NPY2R: variants seen among roughly 807,000 people sequenced by gnomAD.
The protein encoded by NPY2R is neuropeptide Y receptor Y2.
NPY2R carries 17 observed loss-of-function variants against 22.3 expected under a neutral mutation model. The observed-to-expected ratio is 0.76, with a 90% CI of 0.52 to 1.14. NPY2R has a LOEUF of 1.14. Ranked by LOEUF, NPY2R falls within the 50% of genes most tolerant of loss-of-function variation. The pLI is 0.00. For missense variants in NPY2R, 424 were observed against 467.9 expected (o/e 0.91, Z 0.87); for synonymous variants, 209 against 183.4 (o/e 1.14, Z -1.13).
upstream of NPY2R, chr4:155,208,577 AG>A: frequency 6.6e-6 from 1 of 152,462 alleles, no homozygotes. The surrounding 1 kb of genome is among the most constrained non-coding windows in gnomAD (Gnocchi z 5.6). Context: ...GGGACCCGCG[AG>A]GGGGCGCCCC....
the NPY2R span, among the ~76,000 whole-genome samples, chr4:155,203,092 A>G: frequency 3.3e-5 from 5 of 152,154 alleles, no homozygotes; most frequent in African/African-American, 9.6e-5. Context: ...TAAAAATCTC[A>G]GCAACATGCT....
the NPY2R span, chr4:155,174,200 T>C: frequency 6.6e-6 from 1 of 151,942 alleles, no homozygotes; most frequent in Non-Finnish European, 1.5e-5. Context: ...AATTTCTGAC[T>C]GCAATTGGTG....
the NPY2R span, chr4:155,174,162 A>G: frequency 6.6e-6 from 1 of 151,810 alleles, no homozygotes; most frequent in Non-Finnish European, 1.5e-5. Flanking sequence ...TTTCAGAAAG[A>G]CTCTGGGATT....
chr4:155,206,001 T>C (rs1208369644), upstream of NPY2R, among the ~76,000 whole-genome samples: 1 of 152,212 alleles, frequency 6.6e-6, no homozygotes, highest in Non-Finnish European at 1.5e-5. Context: ...TCAAGATTTT[T>C]GCAGGCCAGC....
At chr4:155,197,121 G>A in the NPY2R span, among the ~76,000 whole-genome samples, 66 of 151,808 alleles carry the variant, frequency 4.3e-4, no homozygotes, top group Admixed American at 1.7e-3. Context: ...GTTAACTTTT[G>A]TATATATTTA....
At chr4:155,203,224 AGTAGCATAC>A in the NPY2R span, among the ~76,000 whole-genome samples, 7 of 152,186 alleles carry the variant, frequency 4.6e-5, no homozygotes, top group Admixed American at 4.6e-4. Flanking sequence ...CAGTTTAGGA[AGTAGCATAC>A]GTTTTACTTT....
At chr4:155,201,014 G>GTAAAA in the NPY2R span, among the ~76,000 whole-genome samples, 70 of 151,148 alleles carry the variant, frequency 4.6e-4, 1 homozygote, top group Middle Eastern at 0.01. Context: ...GGAACTTAAA[G>GTAAAA]TAAAATAAAA....
upstream of NPY2R, among the ~76,000 whole-genome samples, chr4:155,203,702 G>T (rs908065450): frequency 6.6e-6 from 1 of 152,044 alleles, no homozygotes; most frequent in Non-Finnish European, 1.5e-5. Context: ...TTTGCTACAA[G>T]GCAATTATTG....
the NPY2R span, among the ~76,000 whole-genome samples, chr4:155,175,118 A>C: frequency 1.3e-5 from 2 of 152,280 alleles, no homozygotes; most frequent in African/African-American, 4.8e-5. Flanking sequence ...TCTTGCACAA[A>C]ATATGACTGA....
Position 155,215,390 on chromosome 4 carries a change from T to C in NPY2R, c.*305T>C, listed in dbSNP as rs1729495072. The C allele has an allele frequency of 2.2e-6, 1 of 456,936 alleles. No individual in the cohort carries two copies. Among genetic ancestry groups the C allele is most frequent in the Non-Finnish European group, 4.2e-6 (1 of 238,946 alleles). 28.3% of individuals were successfully genotyped at this position (456,936 alleles called of 1,614,324 possible). A position where few individuals can be genotyped will look rare whatever the true frequency, so the allele number is the denominator to read the frequency against. ...GAGTGAAGAAAACTTGAACAAGAAA[T>C]TGGTATTATCAAAGCATTGCTGAGA... On this transcript the variant is annotated 3_prime_UTR_variant, in exon 2 of 2. Transcript: ENST00000329476.
At chr4:155,191,684 C>T in the NPY2R span, among the ~76,000 whole-genome samples, 3 of 151,886 alleles carry the variant, frequency 2.0e-5, no homozygotes, top group African/African-American at 7.2e-5. Context: ...TTCATCTCTA[C>T]ATTCTCAGTT....
the NPY2R span, among the ~76,000 whole-genome samples, chr4:155,192,442 C>T: frequency 6.6e-6 from 1 of 151,826 alleles, no homozygotes; most frequent in Non-Finnish European, 1.5e-5. Context: ...CCATTCTAAT[C>T]ATTGCACAGG....
At chr4:155,186,475 T>A in the NPY2R span, among the ~76,000 whole-genome samples, 19 of 152,304 alleles carry the variant, frequency 1.2e-4, no homozygotes, top group African/African-American at 4.6e-4. Context: ...ATTGACAAAT[T>A]GAAATTGTAT....
Position 155,214,341 on chromosome 4 carries a change from A to G in NPY2R, c.402A>G (p.Val134=). ...TGCCCTATGCCCAGGGCCTGGCAGT[A>G]CAAGTATCCACAATCACCTTGACAG... ...HLVPYAQGLA[V]QVSTITLTVI... Residue 134 remains valine (V), a synonymous_variant, in exon 2 of 2, where the codon GTA becomes GTG. Coordinates refer to ENST00000329476, the MANE Select transcript of NPY2R (RefSeq NM_000910.4). 1.2e-6 allele frequency: 2 copies of G among 1,614,054 alleles called. No individual in the cohort carries two copies. The highest frequency in any genetic ancestry group is 8.5e-7 in the Non-Finnish European group (1 of 1,180,010).
rs1294782108 is a variant in NPY2R, at chr4:155,214,854, C to T, written c.915C>T (p.Leu305=). The part of the protein sequence containing the change: ...SQVLDLKEYK[L]IFTVFHIIAM... Reference sequence around the variant, plus strand: ...TCCTGGACCTGAAGGAGTACAAACTCATCTTCACAGTGTTCCACATCATCG... The same window carrying T: ...TCCTGGACCTGAAGGAGTACAAACTTATCTTCACAGTGTTCCACATCATCG... Residue 305 remains leucine (L), a synonymous_variant, in exon 2 of 2, where the codon CTC becomes CTT. Coordinates refer to ENST00000329476, the MANE Select transcript of NPY2R (RefSeq NM_000910.4). The T allele has an allele frequency of 1.2e-6, 2 of 1,609,170 alleles. No homozygotes were observed. Among genetic ancestry groups the T allele is most frequent in the African/African-American group, 1.3e-5 (1 of 74,718 alleles).
the NPY2R span, among the ~76,000 whole-genome samples, chr4:155,186,973 A>C: frequency 2.6e-5 from 4 of 152,204 alleles, no homozygotes; most frequent in Admixed American, 2.0e-4. Flanking sequence ...TTTATTTTCT[A>C]CAATTTTGGA....
At chr4:155,177,568 G>C in the NPY2R span, among the ~76,000 whole-genome samples, 1 of 152,102 alleles carries the variant, frequency 6.6e-6, no homozygotes, top group Non-Finnish European at 1.5e-5. Context: ...CTGCATGCTG[G>C]TGGCTCAATA....
At chr4:155,207,249 G>A (rs372645902), upstream of NPY2R, 10 of 152,124 alleles carry the variant, frequency 6.6e-5, no homozygotes, top group Non-Finnish European at 1.3e-4. Flanking sequence ...TCCATTTGAG[G>A]GAAGCCTTTA....
At position 155,217,029 on chromosome 4, in the gene NPY2R, C is replaced by A. The variant is rs1455746947; in HGVS notation, c.*1944C>A. On this transcript the variant is annotated 3_prime_UTR_variant, in exon 2 of 2. Transcript: ENST00000329476. ...ATTATGTCAATTCATTAATAAAATACCTTTTATGTAGAGGCTTTATGTTGC... is the reference window on the plus strand; with the variant it reads ...ATTATGTCAATTCATTAATAAAATAACTTTTATGTAGAGGCTTTATGTTGC... The A allele has an allele frequency of 6.0e-6, 1 of 166,406 alleles. No homozygotes were observed. Among genetic ancestry groups the A allele is most frequent in the Non-Finnish European group, 1.5e-5 (1 of 68,074 alleles). 10.3% of individuals were successfully genotyped at this position (166,406 alleles called of 1,614,324 possible).
Sources: gnomAD v4.1 joint callset for allele counts (sites outside exome capture counted in the v4.1 genomes callset) on GRCh38, gnomAD v4.1.1 for gene constraint, Gnocchi (gnomAD v3.1) non-coding constraint, MANE v1.5 for transcripts, NCBI Gene and HGNC (gene_info 2026-07-23, HGNC 2026-07-21) for gene names.